Variants in LSAMP observed in about 807,000 individuals in gnomAD.
The protein encoded by LSAMP is limbic system-associated membrane protein.
A neutral mutation model predicts 38.6 loss-of-function variants in LSAMP; 7 were observed. The ratio of observed to expected loss-of-function variants is 0.18; its 90% CI spans 0.10 to 0.34. The LOEUF is 0.34. Among genes scored for constraint, LSAMP ranks in the 10% least tolerant of loss-of-function variants. The pLI, the probability that LSAMP is intolerant of heterozygous loss-of-function variation, is 1.00. For missense variants in LSAMP, 313 were observed against 420.0 expected (o/e 0.75, Z 2.23); for synonymous variants, 154 against 166.8 (o/e 0.92, Z 0.59).
chr3:116,072,261 C>T (rs1024241346), intron 2 of LSAMP, among the ~76,000 whole-genome samples: 5 of 152,290 alleles, frequency 3.3e-5, no homozygotes, highest in Non-Finnish European at 7.4e-5. Context: ...AGGCGTGAGC[C>T]ACCGCGCCCC....
chr3:116,237,294 C>G (rs1476269457), intron 1 of LSAMP, among the ~76,000 whole-genome samples: 1 of 152,132 alleles, frequency 6.6e-6, no homozygotes, highest in Non-Finnish European at 1.5e-5. Flanking sequence ...ATGTGCAACT[C>G]TTTGTTCAGT....
At chr3:116,109,274 G>C (rs907164529) in intron 1 of LSAMP, among the ~76,000 whole-genome samples, 1 of 152,166 alleles carries the variant, frequency 6.6e-6, no homozygotes, top group Non-Finnish European at 1.5e-5. Context: ...ACTGTAAGCC[G>C]GACCAGGTGT....
At chr3:116,219,042 A>T (rs2046252796) in intron 1 of LSAMP, among the ~76,000 whole-genome samples, 1 of 152,202 alleles carries the variant, frequency 6.6e-6, no homozygotes, top group Admixed American at 6.5e-5. Flanking sequence ...CATATAGTAC[A>T]ATACAGATCT....
At chr3:115,818,817 T>TATATATA (rs1934127051) in intron 6 of LSAMP, among the ~76,000 whole-genome samples, 1 of 112,874 alleles carries the variant, frequency 8.9e-6, no homozygotes, top group Non-Finnish European at 1.9e-5. Flanking sequence ...TATATATATA[T>TATATATA]ATATAACTGC....
intron 3 of LSAMP, among the ~76,000 whole-genome samples, chr3:115,938,264 C>T (rs1937778707): frequency 6.6e-6 from 1 of 152,140 alleles, no homozygotes; most frequent in South Asian, 2.1e-4. Flanking sequence ...CCAAAATTAC[C>T]TTGATTCTAA....
At chr3:116,187,611 A>G (rs182902698) in intron 1 of LSAMP, among the ~76,000 whole-genome samples, 103 of 152,182 alleles carry the variant, frequency 6.8e-4, no homozygotes, top group African/African-American at 2.3e-3. Context: ...CACTTGACAA[A>G]AACCTCTTCC....
intron 1 of LSAMP, among the ~76,000 whole-genome samples, chr3:116,102,741 A>G (rs1007531940): frequency 2.0e-5 from 3 of 146,994 alleles, no homozygotes; most frequent in African/African-American, 8.2e-5. Context: ...CTCAGCTTCC[A>G]TAATCATGTG....
At chr3:116,414,832 C>T (rs950329519) in intron 1 of LSAMP, among the ~76,000 whole-genome samples, 1 of 152,048 alleles carries the variant, frequency 6.6e-6, no homozygotes. Flanking sequence ...GTCATGATTG[C>T]CCATTTTTTA....
intron 1 of LSAMP, among the ~76,000 whole-genome samples, chr3:116,370,244 C>A (rs1442652589): frequency 6.6e-6 from 1 of 152,068 alleles, no homozygotes; most frequent in Non-Finnish European, 1.5e-5. Context: ...AAGACATCAG[C>A]TGTAAGGAAG....
intron 1 of LSAMP, among the ~76,000 whole-genome samples, chr3:116,190,404 G>A (rs72945907): frequency 0.021 from 3,185 of 151,994 alleles, 112 homozygotes; most frequent in African/African-American, 0.071. Flanking sequence ...AAGGACTTAC[G>A]AAGCCCTGAA....
intron 1 of LSAMP, among the ~76,000 whole-genome samples, chr3:116,320,952 C>A (rs908954895): frequency 6.6e-6 from 1 of 152,162 alleles, no homozygotes; most frequent in African/African-American, 2.4e-5. Context: ...GATGCAAAAG[C>A]TTCCTCCCCA....
intron 2 of LSAMP, among the ~76,000 whole-genome samples, chr3:116,050,532 G>GA (rs1559722936): frequency 5.6e-4 from 29 of 52,104 alleles, no homozygotes; most frequent in South Asian, 3.6e-3. Flanking sequence ...GAAATTAGGG[G>GA]GAAAAAAAAA....
At chr3:115,942,248 C>T (rs937373295) in intron 3 of LSAMP, among the ~76,000 whole-genome samples, 2 of 152,118 alleles carry the variant, frequency 1.3e-5, no homozygotes, top group Admixed American at 1.3e-4. Flanking sequence ...TTTTGAGTTC[C>T]ATCATAAATG....
chr3:116,210,537 C>G (rs975267127), intron 1 of LSAMP, among the ~76,000 whole-genome samples: 1 of 152,134 alleles, frequency 6.6e-6, no homozygotes, highest in East Asian at 1.9e-4. Flanking sequence ...GGCCACAGAC[C>G]GAAGGCTGCA....
At chr3:116,311,660 C>A (rs893280617) in intron 1 of LSAMP, among the ~76,000 whole-genome samples, 3 of 152,154 alleles carry the variant, frequency 2.0e-5, no homozygotes, top group African/African-American at 7.2e-5. Flanking sequence ...CCACTACGAG[C>A]TGGAGGAAAT....
At chr3:115,942,497 G>A (rs1054528334) in intron 3 of LSAMP, among the ~76,000 whole-genome samples, 1 of 152,076 alleles carries the variant, frequency 6.6e-6, no homozygotes, top group East Asian at 1.9e-4. Context: ...TGAAAAATAA[G>A]TACTTTAAGA....
rs7434009 is a variant in LSAMP, at chr3:116,207,361, T to A, written c.156-120805A>T. On this transcript the variant is annotated intron_variant, in intron 1 of 6. Transcript: ENST00000490035. ...GATGGGTCTTGACTCTTTATCCAAT[T>A]TGCCAGTCTGTGTCTTTTAATTGGA... is the stretch of plus-strand genomic sequence containing the variant. Among the ~76,000 whole-genome samples the A allele has an allele frequency of 1.4e-3, 211 of 152,244 alleles. 1 individual carries two copies. The highest frequency in any genetic ancestry group is 2.3e-3 in the Non-Finnish European group (157 of 68,026).
intron 1 of LSAMP, among the ~76,000 whole-genome samples, chr3:116,185,894 CAA>C (rs58376954): frequency 7.2e-4 from 76 of 105,844 alleles, no homozygotes; most frequent in Middle Eastern, 7.2e-3. Context: ...GAAAAAGAAG[CAA>C]AAAAAAAAAA....
intron 3 of LSAMP, among the ~76,000 whole-genome samples, chr3:115,981,434 A>T (rs1325040265): frequency 6.6e-6 from 1 of 152,038 alleles, no homozygotes. Flanking sequence ...TAAAAAAAAA[A>T]CTGTATCTTT....
Sources: allele counts gnomAD v4.1 joint callset (sites outside exome capture counted in the v4.1 genomes callset), GRCh38; gene constraint gnomAD v4.1.1; transcripts MANE v1.5; gene names NCBI Gene and HGNC (gene_info 2026-07-23, HGNC 2026-07-21).